AHCYL2: variants seen among roughly 807,000 people sequenced by gnomAD.
The protein encoded by AHCYL2 is adenosylhomocysteinase like 2.
Under a neutral mutation model 81.4 loss-of-function variants are expected in AHCYL2, and 28 were observed. The observed-to-expected ratio is 0.34, with a 90% CI of 0.25 to 0.47. The LOEUF is 0.47. Among genes scored for constraint, AHCYL2 ranks in the 20% least tolerant of loss-of-function variants. The pLI is 1.00. For synonymous variants in AHCYL2, 272 were observed against 290.2 expected (o/e 0.94, Z 0.64); for missense variants, 551 against 785.1 (o/e 0.70, Z 3.56).
At chr7:129,345,785 G>A (rs1793341424) in intron 1 of AHCYL2, among the ~76,000 whole-genome samples, 1 of 152,176 alleles carries the variant, frequency 6.6e-6, no homozygotes, top group African/African-American at 2.4e-5. Flanking sequence ...AAATGAAGTG[G>A]TAGGATAGGA....
chr7:129,314,048 G>A (rs1278766186), intron 1 of AHCYL2, among the ~76,000 whole-genome samples: 2 of 152,166 alleles, frequency 1.3e-5, no homozygotes, highest in African/African-American at 4.8e-5. Flanking sequence ...TATGCCCATG[G>A]ACTTCAAAGA....
intron 1 of AHCYL2, among the ~76,000 whole-genome samples, chr7:129,239,179 A>G (rs1362802247): frequency 6.6e-6 from 1 of 152,178 alleles, no homozygotes; most frequent in Non-Finnish European, 1.5e-5. Flanking sequence ...GAAAATCTAT[A>G]TGGGAGGTCT....
chr7:129,302,591 T>A (rs1162682919), intron 1 of AHCYL2, among the ~76,000 whole-genome samples: 4 of 152,238 alleles, frequency 2.6e-5, no homozygotes, highest in African/African-American at 9.6e-5. Context: ...TTTTATCAAA[T>A]GCTTTTTCAG....
At chr7:129,315,943 T>A (rs1046407062) in intron 1 of AHCYL2, among the ~76,000 whole-genome samples, 1 of 152,174 alleles carries the variant, frequency 6.6e-6, no homozygotes, top group Non-Finnish European at 1.5e-5. Flanking sequence ...CTACTCTTGT[T>A]TCAGAGGCGG....
At chr7:129,247,118 G>A (rs1263530545) in intron 1 of AHCYL2, among the ~76,000 whole-genome samples, 1 of 152,158 alleles carries the variant, frequency 6.6e-6, no homozygotes, top group Non-Finnish European at 1.5e-5. Context: ...TTACATTTAT[G>A]TGTAATTATT....
chr7:129,239,908 G>C (rs1049144504), intron 1 of AHCYL2, among the ~76,000 whole-genome samples: 2 of 151,792 alleles, frequency 1.3e-5, no homozygotes, highest in Admixed American at 6.6e-5. Context: ...CCCACACACA[G>C]AGACCCCATA....
intron 1 of AHCYL2, among the ~76,000 whole-genome samples, chr7:129,364,246 A>T (rs1794027996): frequency 6.6e-6 from 1 of 152,242 alleles, no homozygotes; most frequent in African/African-American, 2.4e-5. Flanking sequence ...AGAATAGAAT[A>T]GAATATTAAT....
chr7:129,361,177 A>G (rs1404010879), intron 1 of AHCYL2, among the ~76,000 whole-genome samples: 5 of 152,252 alleles, frequency 3.3e-5, no homozygotes, highest in Non-Finnish European at 7.3e-5. Context: ...CAGGCTTTAT[A>G]CAGCTGGTGT....
intron 1 of AHCYL2, among the ~76,000 whole-genome samples, chr7:129,263,881 A>G (rs908791902): frequency 1.3e-5 from 2 of 152,180 alleles, no homozygotes; most frequent in Admixed American, 6.5e-5. Context: ...TTTTAGAGTT[A>G]CCTCTGAGTC....
chr7:129,370,238 A>G (rs1446496049), intron 1 of AHCYL2, among the ~76,000 whole-genome samples: 1 of 152,180 alleles, frequency 6.6e-6, no homozygotes, highest in East Asian at 1.9e-4. Flanking sequence ...ACTTTCACCC[A>G]TTTACCTTCT....
At chr7:129,410,160 G>C (rs1796497412) in intron 11 of AHCYL2, 1 of 1,604,490 alleles carries the variant, frequency 6.2e-7, no homozygotes, top group African/African-American at 1.4e-5. Context: ...TTGGGCTTGG[G>C]TTGGGGTTTA....
chr7:129,311,906 G>A (rs1264497091), intron 1 of AHCYL2, among the ~76,000 whole-genome samples: 1 of 152,126 alleles, frequency 6.6e-6, no homozygotes, highest in South Asian at 2.1e-4. Context: ...GAAAGGCAAC[G>A]GCCTTAAAAT....
chr7:129,372,072 A>G (rs999349581), intron 1 of AHCYL2, among the ~76,000 whole-genome samples: 3 of 152,196 alleles, frequency 2.0e-5, no homozygotes, highest in Admixed American at 2.0e-4. Context: ...CCAGGATATT[A>G]AAAACACAAA....
chr7:129,299,388 T>G (rs1360618437), intron 1 of AHCYL2, among the ~76,000 whole-genome samples: 10 of 79,268 alleles, frequency 1.3e-4, no homozygotes, highest in African/African-American at 3.6e-4. Context: ...TTTTTTTTTT[T>G]TTTTTTTTTT....
intron 1 of AHCYL2, chr7:129,283,532 A>G (rs560140941): frequency 2.9e-5 from 11 of 381,486 alleles, no homozygotes; most frequent in African/African-American, 2.1e-4. Context: ...TATAGACTAA[A>G]TGGATATATT....
chr7:129,279,397 C>T (rs1458722040), intron 1 of AHCYL2, among the ~76,000 whole-genome samples: 6 of 152,172 alleles, frequency 3.9e-5, no homozygotes, highest in Admixed American at 2.0e-4. Flanking sequence ...GATCCCCCCA[C>T]CCCGGCTTCC....
chr7:129,311,483 C>T (rs1797656626), intron 1 of AHCYL2, among the ~76,000 whole-genome samples: 1 of 152,188 alleles, frequency 6.6e-6, no homozygotes, highest in African/African-American at 2.4e-5. Flanking sequence ...TTTATATGTT[C>T]TCTCAGGTGT....
At chr7:129,311,100 T>A (rs1330689272) in intron 1 of AHCYL2, among the ~76,000 whole-genome samples, 1 of 149,114 alleles carries the variant, frequency 6.7e-6, no homozygotes, top group Non-Finnish European at 1.5e-5. Context: ...AGTGAAACCC[T>A]GTCTCAAAAA....
At chr7:129,266,726 G>A (rs761227331) in intron 1 of AHCYL2, among the ~76,000 whole-genome samples, 1 of 152,148 alleles carries the variant, frequency 6.6e-6, no homozygotes, top group Non-Finnish European at 1.5e-5. Flanking sequence ...GCAATCCAAA[G>A]CTGAATAAAA....
Sources: allele counts gnomAD v4.1 joint callset (sites outside exome capture counted in the v4.1 genomes callset), GRCh38; gene constraint gnomAD v4.1.1; transcripts MANE v1.5; gene names NCBI Gene and HGNC (gene_info 2026-07-23, HGNC 2026-07-21).